Variants in GREB1L observed in about 807,000 individuals in gnomAD.
GREB1L encodes GREB1 like retinoic acid receptor coactivator.
Under a neutral mutation model 200.8 loss-of-function variants are expected in GREB1L, and 17 were observed. The ratio of observed to expected loss-of-function variants is 0.08; its 90% CI spans 0.06 to 0.13. The LOEUF is 0.13. Ranked by LOEUF, GREB1L falls within the 10% of genes least tolerant of loss-of-function variation. The probability of loss-of-function intolerance (pLI) is 1.00; values close to 1 mark genes in which losing one functional copy is unlikely to be tolerated. For synonymous variants in GREB1L, 789 were observed against 893.0 expected, an observed-to-expected ratio of 0.88 and a Z score of 2.08; for missense variants, 1,657 against 2,367.7, an observed-to-expected ratio of 0.70 and a Z score of 6.23.
At chr18:21,314,388 G>T (rs1413645575) in intron 1 of GREB1L, among the ~76,000 whole-genome samples, 1 of 152,056 alleles carries the variant, frequency 6.6e-6, no homozygotes, top group Non-Finnish European at 1.5e-5. Flanking sequence ...TTCACACGAG[G>T]TCAAAAATGA....
At chr18:21,285,400 T>C (rs1165202000) in intron 1 of GREB1L, among the ~76,000 whole-genome samples, 1 of 152,232 alleles carries the variant, frequency 6.6e-6, no homozygotes, top group Non-Finnish European at 1.5e-5. Flanking sequence ...TTATTCTTAT[T>C]TTCCTAAGTT....
At chr18:21,518,551 T>C (rs1370467670) in intron 31 of GREB1L, among the ~76,000 whole-genome samples, 1 of 152,244 alleles carries the variant, frequency 6.6e-6, no homozygotes, top group East Asian at 1.9e-4. Flanking sequence ...TCGGTGACTT[T>C]GGGCAGCAGT....
At chr18:21,353,577 C>G (rs1467732364) in intron 1 of GREB1L, among the ~76,000 whole-genome samples, 1 of 151,940 alleles carries the variant, frequency 6.6e-6, no homozygotes, top group Admixed American at 6.6e-5. Flanking sequence ...ACTATGTCAG[C>G]CTTTGTGATT....
At chr18:21,456,191 C>T (rs2034757063) in intron 15 of GREB1L, among the ~76,000 whole-genome samples, 1 of 152,146 alleles carries the variant, frequency 6.6e-6, no homozygotes, top group Admixed American at 6.5e-5. Context: ...CAGGCATAAG[C>T]CACCATACCC....
intron 32 of GREB1L, 35 bp downstream of exon 32, chr18:21,520,858 A>G (rs964049977): frequency 8.6e-6 from 13 of 1,503,890 alleles, no homozygotes; most frequent in African/African-American, 5.6e-5. Flanking sequence ...TGTAATTGCT[A>G]TTGGTTCCCA....
chr18:21,411,410 G>A (rs2030991495), intron 7 of GREB1L, among the ~76,000 whole-genome samples: 1 of 152,110 alleles, frequency 6.6e-6, no homozygotes, highest in South Asian at 2.1e-4. Flanking sequence ...GTTTCACCAT[G>A]TTAGCCAGGA....
intron 1 of GREB1L, among the ~76,000 whole-genome samples, chr18:21,270,860 C>G (rs2038066878): frequency 6.6e-6 from 1 of 152,148 alleles, no homozygotes; most frequent in African/African-American, 2.4e-5. Context: ...GTGTACTCAA[C>G]CGAGTACATT....
intron 1 of GREB1L, among the ~76,000 whole-genome samples, chr18:21,256,946 A>G (rs2037807626): frequency 7.0e-6 from 1 of 143,762 alleles, no homozygotes; most frequent in Non-Finnish European, 1.5e-5. Context: ...TGGCGGTTGC[A>G]GTGAGCCGAG....
At chr18:21,449,386 AG>A (rs1289988632) in intron 11 of GREB1L, 123 bp from the exon 12 acceptor site, 1 of 587,776 alleles carries the variant, frequency 1.7e-6, no homozygotes, top group Non-Finnish European at 2.9e-6. Flanking sequence ...TCCAAGAAAA[AG>A]AGGTTATTTT....
intron 7 of GREB1L, among the ~76,000 whole-genome samples, chr18:21,417,823 T>C (rs1598797775): frequency 6.6e-6 from 1 of 151,486 alleles, no homozygotes; most frequent in Admixed American, 6.6e-5. Flanking sequence ...ACTAAAAATA[T>C]TTGAAAAATT....
intron 1 of GREB1L, among the ~76,000 whole-genome samples, chr18:21,354,932 T>G (rs1329737939): frequency 6.6e-6 from 1 of 152,176 alleles, no homozygotes. Flanking sequence ...TAGCAAAGGG[T>G]TAGCATGATT....
intron 12 of GREB1L, 34 bp downstream of exon 12, chr18:21,449,870 C>G: frequency 7.1e-7 from 1 of 1,405,100 alleles, no homozygotes; most frequent in Non-Finnish European, 9.5e-7. Context: ...TTTGTTTAAT[C>G]AATTCATTCG....
At chr18:21,474,180 A>C (rs891020500) in intron 16 of GREB1L, among the ~76,000 whole-genome samples, 7 of 152,038 alleles carry the variant, frequency 4.6e-5, no homozygotes, top group Non-Finnish European at 8.8e-5. Context: ...CAAAGTCTCA[A>C]CTCTTTTCAG....
chr18:21,384,748 CT>C (rs991532884), intron 4 of GREB1L, among the ~76,000 whole-genome samples: 6 of 152,018 alleles, frequency 3.9e-5, no homozygotes, highest in African/African-American at 9.7e-5. Flanking sequence ...TATTTTAGGA[CT>C]TTTTTAGTAT....
chr18:21,244,071 A>G (rs2037555185), intron 1 of GREB1L, among the ~76,000 whole-genome samples: 1 of 152,238 alleles, frequency 6.6e-6, no homozygotes, highest in Non-Finnish European at 1.5e-5. Context: ...ATACCCACTC[A>G]TGATGACATG....
intron 1 of GREB1L, among the ~76,000 whole-genome samples, chr18:21,347,762 CTTTTTT>C (rs761498957): frequency 8.8e-6 from 1 of 114,274 alleles, no homozygotes. Flanking sequence ...GCCCCCCGAC[CTTTTTT>C]TTTTTTTTTT....
chr18:21,277,221 C>T (rs1194513313), intron 1 of GREB1L, among the ~76,000 whole-genome samples: 1 of 152,178 alleles, frequency 6.6e-6, no homozygotes, highest in Non-Finnish European at 1.5e-5. Flanking sequence ...AGCCACCGTG[C>T]CCGGCCCAGC....
intron 1 of GREB1L, among the ~76,000 whole-genome samples, chr18:21,310,379 A>AT (rs1214721126): frequency 2.0e-5 from 3 of 152,160 alleles, no homozygotes; most frequent in East Asian, 1.9e-4. Flanking sequence ...AGGCTGCTGC[A>AT]TTTTTTTACA....
At chr18:21,516,047 A>C (rs143273984) in intron 29 of GREB1L, among the ~76,000 whole-genome samples, 1 of 151,314 alleles carries the variant, frequency 6.6e-6, no homozygotes, top group African/African-American at 2.4e-5. Context: ...AAGGAAATCA[A>C]TTTTCCTGAA....
Sources: gnomAD v4.1 joint callset for allele counts (sites outside exome capture counted in the v4.1 genomes callset) on GRCh38, gnomAD v4.1.1 for gene constraint, MANE v1.5 for transcripts, NCBI Gene and HGNC (gene_info 2026-07-23, HGNC 2026-07-21) for gene names.